The following ZMAT4 variants were observed in gnomAD, a reference collection of about 807,000 sequenced individuals.
ZMAT4 encodes zinc finger matrin-type protein 4.
In ZMAT4, 17 loss-of-function variants were observed where a neutral mutation model predicts 28.7. That is an observed-to-expected ratio of 0.59 (90% CI 0.41 to 0.89). ZMAT4 has a LOEUF of 0.89. Ranked by LOEUF, ZMAT4 falls within the 40% of genes least tolerant of loss-of-function variation. The pLI, the probability that ZMAT4 is intolerant of heterozygous loss-of-function variation, is 0.00. For synonymous variants in ZMAT4, 117 were observed against 109.2 expected (o/e 1.07, Z -0.44); for missense variants, 240 against 283.8 (o/e 0.85, Z 1.11).
chr8:40,599,153 G>GTTTT (rs1320747482), intron 5 of ZMAT4, among the ~76,000 whole-genome samples: 1 of 152,008 alleles, frequency 6.6e-6, no homozygotes, highest in Admixed American at 6.6e-5. Context: ...CCATCTCTCT[G>GTTTT]TTTTCCTCAT....
intron 2 of ZMAT4, among the ~76,000 whole-genome samples, chr8:40,799,320 TC>T (rs1353042654): frequency 6.6e-6 from 1 of 152,194 alleles, no homozygotes; most frequent in East Asian, 1.9e-4. Context: ...TATTTAGATA[TC>T]AATGATGTTT....
intron 4 of ZMAT4, among the ~76,000 whole-genome samples, chr8:40,693,657 C>T (rs181522622): frequency 6.6e-6 from 1 of 152,336 alleles, no homozygotes; most frequent in East Asian, 1.9e-4. Context: ...CCTGGATCAT[C>T]CCTGTTATAA....
At chr8:40,552,245 T>G (rs192054489) in intron 6 of ZMAT4, among the ~76,000 whole-genome samples, 2 of 152,176 alleles carry the variant, frequency 1.3e-5, no homozygotes, top group Non-Finnish European at 2.9e-5. Context: ...ATGTACCCAA[T>G]GTACACCCTT....
intron 5 of ZMAT4, among the ~76,000 whole-genome samples, chr8:40,589,001 G>C (rs1563353426): frequency 6.6e-6 from 1 of 152,078 alleles, no homozygotes; most frequent in Non-Finnish European, 1.5e-5. Flanking sequence ...ATAATACAAA[G>C]GTAGAAACAA....
chr8:40,720,942 AT>A, intron 3 of ZMAT4, among the ~76,000 whole-genome samples: 1 of 150,002 alleles, frequency 6.7e-6, no homozygotes, highest in East Asian at 1.9e-4. Flanking sequence ...TGAGAAAGCT[AT>A]TTTTTGTTTG....
rs58513087 is a variant in ZMAT4 at position 40,723,542 on chromosome 8, CAAAAAAAAAAAAA to C, written c.193-26154_193-26142del. Among the ~76,000 whole-genome samples, 136 of 66,862 alleles carry C rather than the reference CAAAAAAAAAAAAA, an allele frequency of 2.0e-3. 1 individual carries two copies. The highest frequency in any genetic ancestry group is 6.4e-3 in the Admixed American group (28 of 4,360). The allele number at this position is 66,862 out of a possible 152,430, so 43.9% of individuals were successfully genotyped here. A position where few individuals can be genotyped will look rare whatever the true frequency, so the allele number is the denominator to read the frequency against. ...TGGGTGACACAGCAAGATTCCATCT[CAAAAAAAAAAAAA>C]AAAAAAAAAAGATTGGGTATTAATT... On this transcript the variant is annotated intron_variant, in intron 3 of 6. Coordinates refer to ENST00000297737, the MANE Select transcript of ZMAT4 (RefSeq NM_024645.3).
At position 40,678,907 on chromosome 8, in the gene ZMAT4, T is replaced by C. The variant is rs188504094; in HGVS notation, c.350-3976A>G. Among the ~76,000 whole-genome samples the C allele has an allele frequency of 1.7e-3, 255 of 152,334 alleles. 1 individual carries two copies. The highest frequency in any genetic ancestry group is 2.9e-3 in the Admixed American group (44 of 15,298). ...GCAATAGAATTATTAATATCTTTGG[T>C]CATGGACTGCTGTCCTATCTCCATA... On this transcript the variant is annotated intron_variant, in intron 4 of 6. Coordinates refer to ENST00000297737, the MANE Select transcript of ZMAT4 (RefSeq NM_024645.3).
intron 6 of ZMAT4, among the ~76,000 whole-genome samples, chr8:40,561,828 G>A (rs940793732): frequency 1.3e-5 from 2 of 152,048 alleles, no homozygotes; most frequent in Non-Finnish European, 2.9e-5. Context: ...TTTTATGTAT[G>A]GCCCAAGACA....
intron 6 of ZMAT4, among the ~76,000 whole-genome samples, chr8:40,534,654 T>C (rs1187759656): frequency 6.6e-6 from 1 of 151,574 alleles, no homozygotes; most frequent in Non-Finnish European, 1.5e-5. Context: ...ATGGCCTCAG[T>C]TTCACATTTG....
chr8:40,751,340 T>C (rs1475491144), intron 3 of ZMAT4, among the ~76,000 whole-genome samples: 4 of 152,020 alleles, frequency 2.6e-5, no homozygotes, highest in Admixed American at 6.6e-5. Context: ...CTTCCAATCA[T>C]GGCAGAAGGG....
At chr8:40,635,414 C>G (rs1806755198) in intron 5 of ZMAT4, among the ~76,000 whole-genome samples, 1 of 152,282 alleles carries the variant, frequency 6.6e-6, no homozygotes. Context: ...CAGACATACA[C>G]TCACACCTCA....
At chr8:40,696,313 ATT>A (rs1809882397) in intron 4 of ZMAT4, among the ~76,000 whole-genome samples, 1 of 152,212 alleles carries the variant, frequency 6.6e-6, no homozygotes, top group African/African-American at 2.4e-5. Flanking sequence ...AAAGCCAAGC[ATT>A]GTTTTAGGCT....
chr8:40,887,051 G>T (rs995953910), intron 1 of ZMAT4, among the ~76,000 whole-genome samples: 1 of 151,290 alleles, frequency 6.6e-6, no homozygotes, highest in Non-Finnish European at 1.5e-5. Context: ...GGCGCCTGTA[G>T]TCCCAGCTAC....
chr8:40,761,344 GC>G (rs1411903305), intron 3 of ZMAT4, among the ~76,000 whole-genome samples: 2 of 151,734 alleles, frequency 1.3e-5, no homozygotes, highest in Non-Finnish European at 2.9e-5. Context: ...AGTTTGAAGG[GC>G]CCCTGCAAGT....
intron 3 of ZMAT4, among the ~76,000 whole-genome samples, chr8:40,710,000 T>C (rs1810532880): frequency 6.8e-6 from 1 of 146,934 alleles, no homozygotes; most frequent in African/African-American, 2.5e-5. Flanking sequence ...ATCGTGCCAT[T>C]GCACTCCAGC....
chr8:40,676,472 C>A (rs190070664), intron 4 of ZMAT4, among the ~76,000 whole-genome samples: 1 of 152,200 alleles, frequency 6.6e-6, no homozygotes, highest in East Asian at 1.9e-4. Flanking sequence ...GGCAAAACCA[C>A]GAGCATTAGG....
chr8:40,755,232 G>C (rs1232914751), intron 3 of ZMAT4, among the ~76,000 whole-genome samples: 1 of 152,126 alleles, frequency 6.6e-6, no homozygotes, highest in African/African-American at 2.4e-5. Context: ...CTGAAAGTCT[G>C]ATAAGGAAGA....
intron 1 of ZMAT4, among the ~76,000 whole-genome samples, chr8:40,869,447 C>T (rs1451597391): frequency 6.6e-6 from 1 of 152,200 alleles, no homozygotes; most frequent in Non-Finnish European, 1.5e-5. Flanking sequence ...AGACTAAAAC[C>T]TCCAGCCTGC....
intron 5 of ZMAT4, among the ~76,000 whole-genome samples, chr8:40,634,297 G>T (rs978617396): frequency 1.3e-5 from 2 of 152,126 alleles, no homozygotes; most frequent in Admixed American, 6.5e-5. Flanking sequence ...CCACAAGTAG[G>T]TAGAGGTTCC....
Sources: gnomAD v4.1 joint callset for allele counts (sites outside exome capture counted in the v4.1 genomes callset) on GRCh38, gnomAD v4.1.1 for gene constraint, MANE v1.5 for transcripts, NCBI Gene and HGNC (gene_info 2026-07-23, HGNC 2026-07-21) for gene names.